Variants in CNTN3 observed in about 807,000 individuals in gnomAD.
The protein encoded by CNTN3 is contactin 3.
In CNTN3, 60 loss-of-function variants were observed where a neutral mutation model predicts 119.1. The ratio of observed to expected loss-of-function variants is 0.50; its 90% CI spans 0.41 to 0.62. The LOEUF (loss-of-function observed/expected upper bound fraction) is 0.62, where lower values mean the gene tolerates loss of function less well. Ranked by LOEUF, CNTN3 falls within the 20% of genes least tolerant of loss-of-function variation. The pLI, the probability that CNTN3 is intolerant of heterozygous loss-of-function variation, is 0.00. For missense variants in CNTN3, 1,101 were observed against 1,242.4 expected (o/e 0.89, Z 1.71); for synonymous variants, 450 against 438.7 (o/e 1.03, Z -0.32).
rs370340762 is a variant in CNTN3, at chr3:74,365,255, C to G, written c.1083+311G>C. Among the ~76,000 whole-genome samples the G allele has an allele frequency of 2.0e-5, 3 of 152,112 alleles. No homozygotes were observed. In the East Asian group the frequency reaches 5.8e-4, roughly 29 times the overall value. ...GTTAAACAGGAAAAGGAAATTATAT[C>G]CTAAATTTGATTAAAGTAAGGCCTT... On this transcript the variant is annotated intron_variant, in intron 9 of 22. Transcript: ENST00000263665.
chr3:74,568,961 G>A (rs1472474358), intron 1 of CNTN3, among the ~76,000 whole-genome samples: 1 of 152,154 alleles, frequency 6.6e-6, no homozygotes, highest in East Asian at 1.9e-4. Flanking sequence ...TAATGTGTGG[G>A]CAAAGGAGAT....
chr3:74,528,278 AT>A (rs1703647609), intron 1 of CNTN3, among the ~76,000 whole-genome samples: 2 of 151,882 alleles, frequency 1.3e-5, no homozygotes, highest in African/African-American at 4.8e-5. Context: ...TTGCCACCAT[AT>A]ATTTACTTAG....
At chr3:74,341,536 T>G (rs180918596) in intron 11 of CNTN3, among the ~76,000 whole-genome samples, 1 of 152,300 alleles carries the variant, frequency 6.6e-6, no homozygotes, top group East Asian at 1.9e-4. Context: ...TTTTATAATA[T>G]ACTTTTATTT....
chr3:74,399,342 A>C (rs1171130091), intron 5 of CNTN3, among the ~76,000 whole-genome samples: 1 of 151,844 alleles, frequency 6.6e-6, no homozygotes, highest in Non-Finnish European at 1.5e-5. Flanking sequence ...CCCCCCATCC[A>C]TGTGATCATT....
chr3:74,600,613 C>A (rs1704894314), intron 1 of CNTN3, among the ~76,000 whole-genome samples: 1 of 152,050 alleles, frequency 6.6e-6, no homozygotes, highest in Non-Finnish European at 1.5e-5. Flanking sequence ...ATCCAACCCC[C>A]CAGTGTGCAG....
intron 1 of CNTN3, among the ~76,000 whole-genome samples, chr3:74,544,945 A>G (rs1225391321): frequency 6.6e-6 from 1 of 152,142 alleles, no homozygotes; most frequent in Non-Finnish European, 1.5e-5. Flanking sequence ...AAAAATCTTG[A>G]TAACAATTTT....
chr3:74,484,932 G>A (rs991916888), intron 4 of CNTN3, among the ~76,000 whole-genome samples: 1 of 152,118 alleles, frequency 6.6e-6, no homozygotes, highest in Non-Finnish European at 1.5e-5. Flanking sequence ...ATGTAACATA[G>A]TAAATGTTAC....
chr3:74,542,954 T>C (rs569033229), intron 1 of CNTN3, among the ~76,000 whole-genome samples: 2 of 152,116 alleles, frequency 1.3e-5, no homozygotes, highest in South Asian at 2.1e-4. Flanking sequence ...TTCCCATCTC[T>C]ACAAAAATTA....
At chr3:74,391,563 T>C (rs1339179136) in intron 5 of CNTN3, among the ~76,000 whole-genome samples, 6 of 89,226 alleles carry the variant, frequency 6.7e-5, no homozygotes, top group South Asian at 5.6e-4. Context: ...GTTTCTTTTT[T>C]TTTTTTTTTT....
chr3:74,512,890 A>T (rs1463567459), intron 2 of CNTN3, among the ~76,000 whole-genome samples: 1 of 112,016 alleles, frequency 8.9e-6, no homozygotes, highest in African/African-American at 3.2e-5. Flanking sequence ...TTTTGTACAT[A>T]TGTCTGAGCT....
At chr3:74,288,386 T>C (rs570426273) in intron 19 of CNTN3, among the ~76,000 whole-genome samples, 31 of 152,158 alleles carry the variant, frequency 2.0e-4, no homozygotes, top group African/African-American at 7.2e-4. Context: ...CTCGAACTCC[T>C]GACCTAAGGT....
At chr3:74,602,217 G>A (rs1285835846) in intron 1 of CNTN3, among the ~76,000 whole-genome samples, 1 of 142,838 alleles carries the variant, frequency 7.0e-6, no homozygotes, top group Non-Finnish European at 1.5e-5. Context: ...TGAGCCTTAA[G>A]CCTAGGAGTT....
intron 5 of CNTN3, among the ~76,000 whole-genome samples, chr3:74,416,756 A>G (rs1353697739): frequency 6.6e-6 from 1 of 152,048 alleles, no homozygotes; most frequent in Non-Finnish European, 1.5e-5. Context: ...AGGAGGCCGA[A>G]GCGGTTGGAT....
chr3:74,298,137 G>A lies in CNTN3; in HGVS notation c.2221C>T (p.Arg741Cys), dbSNP rs747484787. The A allele has an allele frequency of 6.8e-6, 11 of 1,610,980 alleles. No homozygotes were observed. The highest frequency in any genetic ancestry group is 6.7e-5 in the East Asian group (3 of 44,792). ...GEGFGYVVAF[R>C]PLGVTTWIQT... ...ATCCAGGTGGTAACCCCAAGAGGGC[G>A]GAAAGCAACAACATACCCAAAACCT... is the stretch of plus-strand genomic sequence containing the variant. The change falls in exon 18 of 23, where the codon CGC becomes TGC. Residue 741 changes from arginine (R) to cysteine (C), a missense_variant. Coordinates refer to ENST00000263665, the MANE Select transcript of CNTN3 (RefSeq NM_020872.3).
At chr3:74,317,897 T>G (rs1240257413) in intron 13 of CNTN3, among the ~76,000 whole-genome samples, 1 of 152,212 alleles carries the variant, frequency 6.6e-6, no homozygotes, top group African/African-American at 2.4e-5. Context: ...CTTGCTAGAT[T>G]GGGGAAGTTC....
intron 4 of CNTN3, among the ~76,000 whole-genome samples, chr3:74,447,486 C>A (rs1164805322): frequency 6.6e-6 from 1 of 152,116 alleles, no homozygotes; most frequent in Non-Finnish European, 1.5e-5. Flanking sequence ...GACATCTAGC[C>A]CAATATGCAT....
intron 2 of CNTN3, among the ~76,000 whole-genome samples, chr3:74,512,774 A>T (rs1703391425): frequency 6.6e-6 from 1 of 150,852 alleles, no homozygotes; most frequent in African/African-American, 2.4e-5. Context: ...TTATTCCTTA[A>T]TGAAAAAATA....
intron 4 of CNTN3, among the ~76,000 whole-genome samples, chr3:74,479,455 A>G (rs1359404019): frequency 6.6e-6 from 1 of 152,178 alleles, no homozygotes; most frequent in East Asian, 1.9e-4. Context: ...ACAGCAAGCT[A>G]GTTAGCAAGG....
intron 5 of CNTN3, among the ~76,000 whole-genome samples, chr3:74,393,145 C>T (rs540748779): frequency 7.2e-5 from 11 of 152,180 alleles, no homozygotes; most frequent in Non-Finnish European, 1.6e-4. Flanking sequence ...TCCAAGCTTG[C>T]TTCCATTACT....
Sources: gnomAD v4.1 joint callset for allele counts (sites outside exome capture counted in the v4.1 genomes callset) on GRCh38, gnomAD v4.1.1 for gene constraint, MANE v1.5 for transcripts, NCBI Gene and HGNC (gene_info 2026-07-23, HGNC 2026-07-21) for gene names.